The following OTUD7A variants were observed in gnomAD, a reference collection of about 807,000 sequenced individuals.
OTUD7A encodes OTU deubiquitinase 7A.
OTUD7A carries 12 observed loss-of-function variants against 65.7 expected under a neutral mutation model. That is an observed-to-expected ratio of 0.18 (90% CI 0.12 to 0.30). The LOEUF is 0.30. Ranked by LOEUF, OTUD7A falls within the 10% of genes least tolerant of loss-of-function variation. The pLI, the probability that OTUD7A is intolerant of heterozygous loss-of-function variation, is 1.00. For missense variants in OTUD7A, 1,148 were observed against 1,304.8 expected (o/e 0.88, Z 1.85); for synonymous variants, 641 against 586.3 (o/e 1.09, Z -1.35).
intron 1 of OTUD7A, among the ~76,000 whole-genome samples, chr15:31,726,922 C>T (rs953393729): frequency 2.6e-5 from 4 of 152,230 alleles, no homozygotes; most frequent in African/African-American, 9.6e-5. Context: ...ATGCGGCCTG[C>T]TTCACTATGT....
chr15:31,674,155 A>G (rs781666996), intron 1 of OTUD7A, among the ~76,000 whole-genome samples: 6 of 152,198 alleles, frequency 3.9e-5, no homozygotes, highest in South Asian at 2.1e-4. Flanking sequence ...TGAAGGTAAG[A>G]TAAATTTTTT....
chr15:31,783,497 C>CCAT (rs1157838107), intron 1 of OTUD7A, among the ~76,000 whole-genome samples: 1 of 152,192 alleles, frequency 6.6e-6, no homozygotes, highest in Admixed American at 6.5e-5. Context: ...ATATTCTTCA[C>CCAT]CATCAAACAC....
At chr15:31,857,176 A>G (rs1195408064) in intron 1 of OTUD7A, among the ~76,000 whole-genome samples, 1 of 152,164 alleles carries the variant, frequency 6.6e-6, no homozygotes, top group Non-Finnish European at 1.5e-5. Flanking sequence ...AGCCCTGAAG[A>G]AAAAATGAAT....
chr15:31,827,437 G>A (rs1310399748), intron 1 of OTUD7A, among the ~76,000 whole-genome samples: 1 of 152,190 alleles, frequency 6.6e-6, no homozygotes, highest in African/African-American at 2.4e-5. Flanking sequence ...CTCCCACCAG[G>A]TCCCTCCCAC....
intron 1 of OTUD7A, among the ~76,000 whole-genome samples, chr15:31,726,914 G>A (rs1010661132): frequency 5.3e-5 from 8 of 152,206 alleles, no homozygotes; most frequent in Admixed American, 3.9e-4. Flanking sequence ...AAAAACACAT[G>A]CGGCCTGCTT....
chr15:31,678,961 C>T (rs74678898), intron 1 of OTUD7A, among the ~76,000 whole-genome samples: 17,564 of 152,164 alleles, frequency 0.12, 1,427 homozygotes, highest in East Asian at 0.43. Flanking sequence ...CAGCCAGGAG[C>T]GGGTCTATAC....
chr15:31,814,082 T>C (rs913296961), intron 1 of OTUD7A, among the ~76,000 whole-genome samples: 1 of 152,192 alleles, frequency 6.6e-6, no homozygotes, highest in Non-Finnish European at 1.5e-5. Flanking sequence ...GCCGAAACCC[T>C]AGTAGCTCAT....
chr15:31,557,432 C>T (rs1445972612), intron 5 of OTUD7A: 1 of 152,296 alleles, frequency 6.6e-6, no homozygotes, highest in South Asian at 2.1e-4. Flanking sequence ...TGGACCACAT[C>T]AGTGAGCTCC....
chr15:31,809,706 G>C (rs12916029), intron 1 of OTUD7A, among the ~76,000 whole-genome samples: 47,170 of 152,062 alleles, frequency 0.31, 8,166 homozygotes, highest in South Asian at 0.56. Flanking sequence ...GATGGGTCAA[G>C]CCTTTACACC....
intron 1 of OTUD7A, among the ~76,000 whole-genome samples, chr15:31,859,184 AT>A (rs1306247400): frequency 9.2e-5 from 14 of 152,052 alleles, no homozygotes; most frequent in African/African-American, 1.4e-4. Flanking sequence ...ACAAAATTGT[AT>A]TTTTTTGTTG....
chr15:31,851,294 A>C (rs1225913224), intron 1 of OTUD7A, among the ~76,000 whole-genome samples: 3 of 152,222 alleles, frequency 2.0e-5, no homozygotes, highest in African/African-American at 7.2e-5. Flanking sequence ...AGGTAATGTG[A>C]GAGAATGGCT....
intron 3 of OTUD7A, among the ~76,000 whole-genome samples, chr15:31,590,727 A>G (rs892038408): frequency 4.6e-5 from 7 of 152,224 alleles, no homozygotes; most frequent in Admixed American, 6.5e-5. Flanking sequence ...TCAGAATACA[A>G]TTAATCTAAA....
intron 1 of OTUD7A, among the ~76,000 whole-genome samples, chr15:31,801,561 C>A (rs958246172): frequency 6.6e-6 from 1 of 152,094 alleles, no homozygotes; most frequent in Non-Finnish European, 1.5e-5. Flanking sequence ...ATTTTTGGTG[C>A]AATAATAACA....
At chr15:31,681,938 G>T (rs192444887) in intron 1 of OTUD7A, among the ~76,000 whole-genome samples, 123 of 152,204 alleles carry the variant, frequency 8.1e-4, no homozygotes, top group African/African-American at 2.9e-3. Flanking sequence ...GCAGTTATAT[G>T]ATGCTTAGAG....
intron 1 of OTUD7A, among the ~76,000 whole-genome samples, chr15:31,671,928 TC>T (rs1464865191): frequency 6.6e-6 from 1 of 152,162 alleles, no homozygotes; most frequent in Non-Finnish European, 1.5e-5. Context: ...CCACCCTCCA[TC>T]CTCAAGTAGG....
intron 3 of OTUD7A, among the ~76,000 whole-genome samples, chr15:31,597,790 A>G (rs965463524): frequency 2.0e-5 from 3 of 150,858 alleles, no homozygotes; most frequent in Non-Finnish European, 4.4e-5. Flanking sequence ...CTTCTATTTT[A>G]TATTTGGCTC....
rs570012025 is a variant in OTUD7A at position 31,737,191 on chromosome 15, T to C, written c.-99-80114A>G. On this transcript the variant is annotated intron_variant, in intron 1 of 12. Transcript: ENST00000307050. ...TTTAACCAGATAATGTTTCTTAATA[T>C]GGCAAAATAAACAATATAAAAAGAC... is the stretch of plus-strand genomic sequence containing the variant. Among the ~76,000 whole-genome samples, 115 of 152,278 alleles carry C rather than the reference T, an allele frequency of 7.6e-4. 1 individual carries two copies. Among genetic ancestry groups the C allele is most frequent in the African/African-American group, 2.1e-3 (86 of 41,530 alleles).
At chr15:31,538,283 G>A (rs942448226) in intron 5 of OTUD7A, among the ~76,000 whole-genome samples, 3 of 152,198 alleles carry the variant, frequency 2.0e-5, no homozygotes, top group Non-Finnish European at 4.4e-5. Context: ...GGTGCTATGT[G>A]TGCCTGGGTC....
At position 31,475,862 on chromosome 15, in the gene OTUD7A, A is replaced by G. The variant is rs2041009057; in HGVS notation, c.*7432T>C. 1 of 152,258 alleles carries G rather than the reference A, an allele frequency of 6.6e-6. No individual in the cohort carries two copies. The highest frequency in any genetic ancestry group is 2.1e-4 in the South Asian group (1 of 4,836). The allele number at this position is 152,258 out of a possible 1,614,324, so 9.4% of individuals were successfully genotyped here. A position where few individuals can be genotyped will look rare whatever the true frequency, so the allele number is the denominator to read the frequency against. ...GAAAATGGGAGAAATAAAGCAACAT[A>G]TATCATCCAAAAATCAGTCAAAGAA... On this transcript the variant is annotated 3_prime_UTR_variant, in exon 13 of 13. Transcript: ENST00000307050.
Sources: gnomAD v4.1 joint callset for allele counts (sites outside exome capture counted in the v4.1 genomes callset) on GRCh38, gnomAD v4.1.1 for gene constraint, MANE v1.5 for transcripts, NCBI Gene and HGNC (gene_info 2026-07-23, HGNC 2026-07-21) for gene names.